RALYL: variants seen among roughly 807,000 people sequenced by gnomAD.
RALYL encodes the protein RNA-binding Raly-like protein.
RALYL carries 29 observed loss-of-function variants against 35.1 expected under a neutral mutation model. The ratio of observed to expected loss-of-function variants is 0.83; its 90% CI spans 0.61 to 1.13. RALYL has a LOEUF of 1.13. Among genes scored for constraint, RALYL ranks in the 50% most tolerant of loss-of-function variants. The probability of loss-of-function intolerance (pLI) is 0.00; values close to 1 mark genes in which losing one functional copy is unlikely to be tolerated. For synonymous variants in RALYL, 120 were observed against 127.6 expected (o/e 0.94, Z 0.40); for missense variants, 359 against 360.4 (o/e 1.00, Z 0.03).
chr8:84,503,277 C>T (rs2056862836), intron 1 of RALYL, among the ~76,000 whole-genome samples: 1 of 151,782 alleles, frequency 6.6e-6, no homozygotes, highest in African/African-American at 2.4e-5. Context: ...CCTTAGACTC[C>T]CAAGTAGCTG....
intron 8 of RALYL, among the ~76,000 whole-genome samples, chr8:84,905,569 ACTTAT>A (rs754623192): frequency 3.3e-5 from 5 of 152,028 alleles, no homozygotes; most frequent in Non-Finnish European, 5.9e-5. Context: ...CAATTTCTCC[ACTTAT>A]CTTTGTATTC....
chr8:84,241,111 TA>T (rs902784444), intron 1 of RALYL, among the ~76,000 whole-genome samples: 3 of 152,140 alleles, frequency 2.0e-5, no homozygotes, highest in Non-Finnish European at 2.9e-5. Flanking sequence ...TTTGCTCACT[TA>T]AAAAAACATA....
chr8:84,730,233 C>T (rs1377000981), intron 2 of RALYL, among the ~76,000 whole-genome samples: 2 of 152,028 alleles, frequency 1.3e-5, no homozygotes, highest in African/African-American at 4.8e-5. Context: ...GTTCAATATA[C>T]ACAAATCAAT....
At chr8:84,434,199 C>T (rs770992363) in intron 1 of RALYL, among the ~76,000 whole-genome samples, 23 of 151,978 alleles carry the variant, frequency 1.5e-4, no homozygotes, top group Non-Finnish European at 2.9e-4. Flanking sequence ...CCTGTGTCCT[C>T]ATCTCTACTT....
At chr8:84,434,377 A>AT (rs906416733) in intron 1 of RALYL, among the ~76,000 whole-genome samples, 1 of 152,164 alleles carries the variant, frequency 6.6e-6, no homozygotes, top group Non-Finnish European at 1.5e-5. Flanking sequence ...AGCACAAGGC[A>AT]TAAATAACTT....
chr8:84,903,290 A>G (rs1845978662), intron 8 of RALYL, among the ~76,000 whole-genome samples: 1 of 152,210 alleles, frequency 6.6e-6, no homozygotes, highest in South Asian at 2.1e-4. Flanking sequence ...AGAAGAAAGG[A>G]ACTAATCAAG....
chr8:84,749,326 A>T (rs769267352), intron 2 of RALYL, among the ~76,000 whole-genome samples: 107 of 151,768 alleles, frequency 7.1e-4, no homozygotes, highest in Admixed American at 1.2e-3. Flanking sequence ...GCTTGTACCA[A>T]TTTTTTTTAT....
At chr8:84,619,112 A>C (rs890614020) in intron 2 of RALYL, among the ~76,000 whole-genome samples, 2 of 150,802 alleles carry the variant, frequency 1.3e-5, no homozygotes, top group Non-Finnish European at 2.9e-5. Context: ...TATTAGGTCC[A>C]CTTGGTGCAG....
At chr8:84,668,499 G>T (rs568695738) in intron 2 of RALYL, among the ~76,000 whole-genome samples, 3 of 152,230 alleles carry the variant, frequency 2.0e-5, no homozygotes, top group East Asian at 1.9e-4. Flanking sequence ...AGATCCAGGT[G>T]GTTAGAGTAT....
chr8:84,313,822 C>T (rs1241612775), intron 1 of RALYL, among the ~76,000 whole-genome samples: 1 of 152,174 alleles, frequency 6.6e-6, no homozygotes, highest in African/African-American at 2.4e-5. Context: ...ATTTTTCTAT[C>T]TTCTTCTGAT....
intron 2 of RALYL, among the ~76,000 whole-genome samples, chr8:84,656,738 C>T (rs1830027431): frequency 6.6e-6 from 1 of 151,866 alleles, no homozygotes; most frequent in Admixed American, 6.6e-5. Flanking sequence ...AAAGCATTAT[C>T]TACCTGAGAT....
chr8:84,517,782 T>G (rs775926005), intron 1 of RALYL, among the ~76,000 whole-genome samples: 3 of 152,214 alleles, frequency 2.0e-5, no homozygotes, highest in Non-Finnish European at 4.4e-5. Flanking sequence ...TTCTGAATAA[T>G]AACTAAGCTA....
intron 1 of RALYL, among the ~76,000 whole-genome samples, chr8:84,314,630 G>A (rs1240879598): frequency 1.3e-5 from 2 of 152,116 alleles, no homozygotes; most frequent in African/African-American, 4.8e-5. Flanking sequence ...GGAAGCTGAG[G>A]CAGGAGGATC....
intron 2 of RALYL, among the ~76,000 whole-genome samples, chr8:84,531,446 TAAAGAAAGG>T (rs2059271534): frequency 6.6e-6 from 1 of 152,146 alleles, no homozygotes; most frequent in African/African-American, 2.4e-5. Context: ...TTCTATATTT[TAAAGAAAGG>T]AAAGAAAGGA....
chr8:84,256,286 T>C (rs1193509542), intron 1 of RALYL, among the ~76,000 whole-genome samples: 1 of 152,166 alleles, frequency 6.6e-6, no homozygotes, highest in African/African-American at 2.4e-5. Flanking sequence ...TCTTAACATA[T>C]GTTCTTACAC....
At chr8:84,608,017 GCT>G (rs1817534326) in intron 2 of RALYL, among the ~76,000 whole-genome samples, 1 of 151,710 alleles carries the variant, frequency 6.6e-6, no homozygotes, top group South Asian at 2.1e-4. Flanking sequence ...AAGTTTCTAA[GCT>G]CTTATTCTCA....
intron 1 of RALYL, among the ~76,000 whole-genome samples, chr8:84,364,934 C>A (rs1853902529): frequency 1.3e-5 from 2 of 152,102 alleles, no homozygotes; most frequent in Admixed American, 1.3e-4. Flanking sequence ...TTTTCAGCTT[C>A]AAATAAATAG....
At chr8:84,764,797 G>A (rs1023191029) in intron 2 of RALYL, among the ~76,000 whole-genome samples, 10 of 152,106 alleles carry the variant, frequency 6.6e-5, no homozygotes, top group East Asian at 5.8e-4. Context: ...TTATAACACC[G>A]AATATTTTAA....
At chr8:84,594,045 T>C (rs1159354797) in intron 2 of RALYL, among the ~76,000 whole-genome samples, 1 of 152,056 alleles carries the variant, frequency 6.6e-6, no homozygotes, top group East Asian at 1.9e-4. Context: ...GCTTCCACCA[T>C]GTTTTCTGTC....
Sources: allele counts gnomAD v4.1 joint callset (sites outside exome capture counted in the v4.1 genomes callset), GRCh38; gene constraint gnomAD v4.1.1; transcripts MANE v1.5; gene names NCBI Gene and HGNC (gene_info 2026-07-23, HGNC 2026-07-21).